Variants in RIN1 observed in about 807,000 individuals in gnomAD.
RIN1 encodes ras inhibitor 1.
A neutral mutation model predicts 64.9 loss-of-function variants in RIN1; 52 were observed. The observed-to-expected ratio is 0.80, with a 90% CI of 0.64 to 1.01. The LOEUF (loss-of-function observed/expected upper bound fraction) is 1.01, where lower values mean the gene tolerates loss of function less well. Ranked by LOEUF, RIN1 falls within the 50% of genes least tolerant of loss-of-function variation. RIN1 has a pLI of 0.00. For missense variants in RIN1, 1,040 were observed against 1,064.5 expected (o/e 0.98, Z 0.32); for synonymous variants, 486 against 483.6 (o/e 1.00, Z -0.06).
rs1854807589 is a variant in RIN1 at position 66,334,074 on chromosome 11, G to C, written c.1436C>G (p.Ala479Gly). 2 of 1,569,728 alleles carry C rather than the reference G, an allele frequency of 1.3e-6. No individual in the cohort carries two copies. Among genetic ancestry groups the C allele is most frequent in the Non-Finnish European group, 1.7e-6 (2 of 1,158,170 alleles). Residue 479 changes from alanine (A) to glycine (G), a missense_variant, in exon 7 of 10, where the codon GCC (alanine) becomes GGC (glycine). Ala to Gly is a moderately conservative substitution (Grantham distance 60). Transcript: ENST00000311320. ...GGGCAGGCTCAGGTGGGACCCGAAGGCTCCGGGGCCCTGGGCCCGGGCCAG... is the reference window on the plus strand; with the variant it reads ...GGGCAGGCTCAGGTGGGACCCGAAGCCTCCGGGGCCCTGGGCCCGGGCCAG... Reference protein sequence around the residue: ...LRLARAQGPGAFGSHLSLPSP... With the variant: ...LRLARAQGPGGFGSHLSLPSP...
chr11:66,332,245 CG>C lies in RIN1; in HGVS notation c.*30del. ...ATTTCTCAGCAGGCTCAGGGTCTCC[CG>C]CCCCGAATGACCCTTCTGGCCACTT... is the stretch of plus-strand genomic sequence containing the variant. On this transcript the variant is annotated 3_prime_UTR_variant, in exon 10 of 10. Coordinates refer to ENST00000311320, the MANE Select transcript of RIN1 (RefSeq NM_004292.3). 1 of 1,601,226 alleles carries C rather than the reference CG, an allele frequency of 6.2e-7. No homozygotes were observed. The highest frequency in any genetic ancestry group is 1.1e-5 in the South Asian group (1 of 90,832).
At chr11:66,334,422 G>A in intron 6 of RIN1, 92 bp downstream of exon 6, 1 of 1,489,424 alleles carries the variant, frequency 6.7e-7, no homozygotes, top group Non-Finnish European at 9.1e-7. Flanking sequence ...GATTTGTAAA[G>A]CAGCAGAACA....
At position 66,332,210 on chromosome 11, in the gene RIN1, C is replaced by T. The variant is rs140852131; in HGVS notation, c.*66G>A. On this transcript the variant is annotated 3_prime_UTR_variant, in exon 10 of 10. Coordinates refer to ENST00000311320, the MANE Select transcript of RIN1 (RefSeq NM_004292.3). ...CAGGGCCCTGGGTGGGGCTTGCTGG[C>T]GCTAAAAGGATTTCTCAGCAGGCTC... 6.1e-5 allele frequency: 89 copies of T among 1,460,038 alleles called. No homozygotes were observed. In the African/African-American group the frequency reaches 6.2e-4, roughly 10 times the overall value. The allele number at this position is 1,460,038 out of a possible 1,614,324, so 90.4% of individuals were successfully genotyped here. A position where few individuals can be genotyped will look rare whatever the true frequency, so the allele number is the denominator to read the frequency against.
At chr11:66,332,791 G>T in intron 9 of RIN1, 39 bp from the exon 10 acceptor site, 1 of 1,418,526 alleles carries the variant, frequency 7.0e-7, no homozygotes, top group South Asian at 1.4e-5. Context: ...ACTCAGCCCC[G>T]GCTGGCATGC....
chr11:66,336,686 G>A (rs371972345), upstream of RIN1: 1 of 431,368 alleles, frequency 2.3e-6, no homozygotes, highest in South Asian at 3.5e-5. Flanking sequence ...TGCACACGTG[G>A]GCGGGAAGTG....
At position 66,336,408 on chromosome 11, in the gene RIN1, G is replaced by A; in HGVS notation, c.-6C>T. 3 of 1,611,308 alleles carry A rather than the reference G, an allele frequency of 1.9e-6. No homozygotes were observed. The highest frequency in any genetic ancestry group is 2.5e-6 in the Non-Finnish European group (3 of 1,178,788). On this transcript the variant is annotated 5_prime_UTR_variant, in exon 1 of 10. Transcript: ENST00000311320. Reference sequence around the variant, plus strand: ...GACTCTCCAGGGCTTTCCATGGCTGGGAGCTCCTTCGCTTCAGGAAGAGAA... The same window carrying A: ...GACTCTCCAGGGCTTTCCATGGCTGAGAGCTCCTTCGCTTCAGGAAGAGAA...
Position 66,333,943 on chromosome 11 carries a change from A to G in RIN1, c.1567T>C (p.Tyr523His). 1 of 1,550,784 alleles carries G rather than the reference A, an allele frequency of 6.4e-7. No individual in the cohort carries two copies. Among genetic ancestry groups the G allele is most frequent in the Non-Finnish European group, 8.7e-7 (1 of 1,148,130 alleles). Reference sequence around the variant, plus strand: ...CCTTCCTGGGTCCTCAGGGCCATGTAGAGCAGCTTGCAGGCCTGCAGGAGC... The same window carrying G: ...CCTTCCTGGGTCCTCAGGGCCATGTGGAGCAGCTTGCAGGCCTGCAGGAGC... ...KRLLQACKLL[Y>H]MALRTQEGEG... is the part of the protein sequence containing the mutation. The change falls in exon 7 of 10, where the codon TAC becomes CAC. Residue 523 changes from tyrosine to histidine, a missense_variant. Transcript: ENST00000311320.
In RIN1 at chr11:66,331,997, C is replaced by G. The variant is rs952780304; in HGVS notation, c.*279G>C. The stretch of plus-strand genomic sequence containing the variant: ...TGGGCATCTGTCGGATTCGCCCCCA[C>G]TTGGCACACCCTCATTGCAGGCTGG... On this transcript the variant is annotated 3_prime_UTR_variant, in exon 10 of 10. Coordinates refer to ENST00000311320, the MANE Select transcript of RIN1 (RefSeq NM_004292.3). 1 of 514,388 alleles carries G rather than the reference C, an allele frequency of 1.9e-6. No homozygotes were observed. Among genetic ancestry groups the G allele is most frequent in the African/African-American group, 1.9e-5 (1 of 52,222 alleles). 31.9% of individuals were successfully genotyped at this position (514,388 alleles called of 1,614,324 possible).
chr11:66,331,256 T>C lies in RIN1; in HGVS notation c.*1020A>G, dbSNP rs1854730280. 6.6e-6 allele frequency: 1 copy of C among 152,338 alleles called. No individual in the cohort carries two copies. Among genetic ancestry groups the C allele is most frequent in the Non-Finnish European group, 1.5e-5 (1 of 68,104 alleles). The allele number at this position is 152,338 out of a possible 1,614,324, so 9.4% of individuals were successfully genotyped here. ...AGGGTGGAGTTGGAACCTGATGCCC[T>C]GGTTTGGGCGGGGGAACCCTTAAGG... On this transcript the variant is annotated 3_prime_UTR_variant, in exon 10 of 10. Coordinates refer to ENST00000311320, the MANE Select transcript of RIN1 (RefSeq NM_004292.3).
In RIN1 at chr11:66,334,817, G is replaced by T; in HGVS notation, c.982C>A (p.Pro328Thr). The change falls in exon 6 of 10, where the codon CCA becomes ACA. Residue 328 changes from proline (P) to threonine (T), a missense_variant. Transcript: ENST00000311320. ...GTCGCTGGGCTCCCCCGGGACCCTG[G>T]CACCCCCTCCTCCTCGGAGCTGCTG... ...SPSSSEEEGVPGSRGSPATSP... is the reference protein window; with the variant it reads ...SPSSSEEEGVTGSRGSPATSP... The T allele has an allele frequency of 6.5e-7, 1 of 1,546,498 alleles. No homozygotes were observed. Among genetic ancestry groups the T allele is most frequent in the Non-Finnish European group, 8.7e-7 (1 of 1,144,240 alleles).
chr11:66,335,737 C>G (rs1854874055), intron 3 of RIN1, 25 bp downstream of exon 3: 4 of 1,612,274 alleles, frequency 2.5e-6, no homozygotes, highest in Non-Finnish European at 3.4e-6. Context: ...GCTTCCAGCC[C>G]CTTCCCGCCA....
rs577147122 is a variant in RIN1, at chr11:66,332,175, A to G, written c.*101T>C. The G allele has an allele frequency of 3.9e-6, 4 of 1,038,704 alleles. No homozygotes were observed. In the East Asian group the frequency reaches 9.5e-5, roughly 25 times the overall value. The allele number at this position is 1,038,704 out of a possible 1,614,324, so 64.3% of individuals were successfully genotyped here. ...ACAAGTATCAGACAAAGGTGGTGGCAGACACAGGACAGGGCCCTGGGTGGG... is the reference window on the plus strand; with the variant it reads ...ACAAGTATCAGACAAAGGTGGTGGCGGACACAGGACAGGGCCCTGGGTGGG... On this transcript the variant is annotated 3_prime_UTR_variant, in exon 10 of 10. Coordinates refer to ENST00000311320, the MANE Select transcript of RIN1 (RefSeq NM_004292.3).
Position 66,335,987 on chromosome 11 carries a change from C to T in RIN1, c.258G>A (p.Glu86=). 3 of 1,475,982 alleles carry T rather than the reference C, an allele frequency of 2.0e-6. No individual in the cohort carries two copies. Among genetic ancestry groups the T allele is most frequent in the Non-Finnish European group, 2.7e-6 (3 of 1,112,786 alleles). 91.4% of individuals were successfully genotyped at this position (1,475,982 alleles called of 1,614,324 possible). A position where few individuals can be genotyped will look rare whatever the true frequency, so the allele number is the denominator to read the frequency against. ...AAAALHMLRT[E]PPGTFLVRKS... ...GTGGGGCAAGACTCACCCCCGGGGGCTCGGTCCTCAGCATGTGCAGTGCGG... is the reference window on the plus strand; with the variant it reads ...GTGGGGCAAGACTCACCCCCGGGGGTTCGGTCCTCAGCATGTGCAGTGCGG... Residue 86 remains glutamate (E), a synonymous_variant, in exon 2 of 10, where the codon GAG becomes GAA. Coordinates refer to ENST00000311320, the MANE Select transcript of RIN1 (RefSeq NM_004292.3).
rs748150722 is a variant in RIN1, at chr11:66,335,054, C to A, written c.745G>T (p.Val249Leu). ...AGGGGGCTGGAGGTCTCTGTGGACACGCGCACTTTGAAGCTTCTCTTGAAT... is the reference window on the plus strand; with the variant it reads ...AGGGGGCTGGAGGTCTCTGTGGACAAGCGCACTTTGAAGCTTCTCTTGAAT... ...EKFKRSFKVR[V>L]STETSSPLSP... Residue 249 changes from valine to leucine, a missense_variant, in exon 6 of 10, where the codon GTG (valine) becomes TTG (leucine). Transcript: ENST00000311320. 1 of 1,529,830 alleles carries A rather than the reference C, an allele frequency of 6.5e-7. No individual in the cohort carries two copies. The highest frequency in any genetic ancestry group is 1.3e-5 in the South Asian group (1 of 77,034). 94.8% of individuals were successfully genotyped at this position (1,529,830 alleles called of 1,614,324 possible). A position where few individuals can be genotyped will look rare whatever the true frequency, so the allele number is the denominator to read the frequency against.
At position 66,331,012 on chromosome 11, in the gene RIN1, C is replaced by G. The variant is rs998516861; in HGVS notation, c.*1264G>C. On this transcript the variant is annotated 3_prime_UTR_variant, in exon 10 of 10. Coordinates refer to ENST00000311320, the MANE Select transcript of RIN1 (RefSeq NM_004292.3). Reference sequence around the variant, plus strand: ...AGTGGCCTTGGCCCCTGCGCTGTCCCCAGGTTGCCTGATGCTGCTGGACTG... The same window carrying G: ...AGTGGCCTTGGCCCCTGCGCTGTCCGCAGGTTGCCTGATGCTGCTGGACTG... 1 of 152,458 alleles carries G rather than the reference C, an allele frequency of 6.6e-6. No homozygotes were observed. Among genetic ancestry groups the G allele is most frequent in the African/African-American group, 2.4e-5 (1 of 41,482 alleles). 9.4% of individuals were successfully genotyped at this position (152,458 alleles called of 1,614,324 possible).
rs574723651 is a variant in RIN1 at position 66,336,379 on chromosome 11, G to A, written c.24C>T (p.Gly8=). ...GGCTGGGGGCTCCAGGAGAGCCCGC[G>A]CCTGACTCTCCAGGGCTTTCCATGG... The part of the protein sequence containing the change: MESPGES[G]AGSPGAPSPS... Residue 8 remains glycine, a synonymous_variant, in exon 1 of 10, where the codon GGC becomes GGT. Transcript: ENST00000311320. 191 of 1,613,508 alleles carry A rather than the reference G, an allele frequency of 1.2e-4. No homozygotes were observed. The highest frequency in any genetic ancestry group is 2.7e-4 in the Admixed American group (16 of 59,978).
Position 66,335,016 on chromosome 11 carries a change from G to C in RIN1, c.783C>G (p.Ala261=). The C allele has an allele frequency of 6.5e-7, 1 of 1,539,268 alleles. No homozygotes were observed. Residue 261 remains alanine (A), a synonymous_variant, in exon 6 of 10, where the codon GCC becomes GCG. Coordinates refer to ENST00000311320, the MANE Select transcript of RIN1 (RefSeq NM_004292.3). ...GCACGGGGACGGGGGGAGGTGGCAC[G>C]GCAGGTGGAGACAGGGGGCTGGAGG... ...TETSSPLSPP[A]VPPPPVPVLP... is the part of the protein sequence containing the mutation.
rs569516055 is a variant in RIN1, at chr11:66,336,250, C to T, written c.86+67G>A. On this transcript the variant is annotated intron_variant, in intron 1 of 9. Coordinates refer to ENST00000311320, the MANE Select transcript of RIN1 (RefSeq NM_004292.3). ...CTCCCGGGTTTCCCACTTTCTCTAT[C>T]CCCGGATAGGCCCTCCTCTCGCAGC... 3.2e-3 allele frequency: 4,879 copies of T among 1,524,322 alleles called. 22 individuals are homozygous for T. The highest frequency in any genetic ancestry group is 3.6e-3 in the Non-Finnish European group (4,001 of 1,126,404). The allele number at this position is 1,524,322 out of a possible 1,614,324, so 94.4% of individuals were successfully genotyped here.
Position 66,335,820 on chromosome 11 carries a change from C to A in RIN1, c.324G>T (p.Leu108Phe). 7 of 1,607,908 alleles carry A rather than the reference C, an allele frequency of 4.4e-6. No individual in the cohort carries two copies. The highest frequency in any genetic ancestry group is 6.0e-6 in the Non-Finnish European group (7 of 1,176,264). The change falls in exon 3 of 10, where the codon TTG becomes TTT. Residue 108 changes from leucine to phenylalanine, a missense_variant. Physicochemically the swap from Leu to Phe is conservative, Grantham distance 22 (BLOSUM62 0). Coordinates refer to ENST00000311320, the MANE Select transcript of RIN1 (RefSeq NM_004292.3). The stretch of plus-strand genomic sequence containing the variant: ...CGAAGGAGGGGCCACTGGCTTCAGG[C>A]AACCGCATGCACAGGGCCTGGCACT... Reference protein sequence around the residue: ...TRQCQALCMRLPEASGPSFVS... With the variant: ...TRQCQALCMRFPEASGPSFVS...
Sources: allele counts gnomAD v4.1 joint callset, GRCh38; gene constraint gnomAD v4.1.1; transcripts MANE v1.5; gene names NCBI Gene and HGNC (gene_info 2026-07-23, HGNC 2026-07-21).